DIPK1A: variants seen among roughly 807,000 people sequenced by gnomAD.
DIPK1A encodes the protein divergent protein kinase domain 1A, also known as family with sequence similarity 69 member A.
A neutral mutation model predicts 40.8 loss-of-function variants in DIPK1A; 27 were observed. The observed-to-expected ratio is 0.66, with a 90% confidence interval of 0.49 to 0.91. The LOEUF (loss-of-function observed/expected upper bound fraction) is 0.91, where lower values mean the gene tolerates loss of function less well. Ranked by LOEUF, DIPK1A falls within the 40% of genes least tolerant of loss-of-function variation. DIPK1A has a pLI of 0.00. For missense variants in DIPK1A, 412 were observed against 505.7 expected, an observed-to-expected ratio of 0.81 and a Z score of 1.78; for synonymous variants, 166 against 171.3, an observed-to-expected ratio of 0.97 and a Z score of 0.24.
rs1157142089 is a variant in DIPK1A at position 92,959,903 on chromosome 1, C to CTTTTTTTTTTTTTTTTTTTTTTT, written c.54+1450_54+1472dup. ...GCTGGGACCACAGGCACCCAACCAA[C>CTTTTTTTTTTTTTTTTTTTTTTT]TTTTTTTTTTTTTTTTTTTTTTTTG... On this transcript the variant is annotated intron_variant, in intron 1 of 4. Coordinates refer to ENST00000370310, the MANE Select transcript of DIPK1A (RefSeq NM_001006605.5). 5.0e-4 allele frequency among the ~76,000 whole-genome samples: 24 copies of CTTTTTTTTTTTTTTTTTTTTTTT among 47,872 alleles called. 2 individuals are homozygous for CTTTTTTTTTTTTTTTTTTTTTTT. The highest frequency in any genetic ancestry group is 1.2e-3 in the African/African-American group (11 of 9,078). 31.4% of individuals were successfully genotyped at this position (47,872 alleles called of 152,430 possible). A position where few individuals can be genotyped will look rare whatever the true frequency, so the allele number is the denominator to read the frequency against.
chr1:92,841,912 T>G, downstream of DIPK1A: 1 of 1,379,454 alleles, frequency 7.2e-7, no homozygotes, highest in Non-Finnish European at 1.0e-6. Flanking sequence ...AATAAACTTA[T>G]GAACAGCAAC....
intron 1 of DIPK1A, among the ~76,000 whole-genome samples, chr1:92,917,994 A>G (rs1402607750): frequency 6.6e-6 from 1 of 152,250 alleles, no homozygotes; most frequent in Non-Finnish European, 1.5e-5. Flanking sequence ...AAATAAAAAT[A>G]GTGGAAAATA....
intron 2 of DIPK1A, among the ~76,000 whole-genome samples, chr1:92,868,099 G>A (rs1252560303): frequency 2.0e-5 from 3 of 152,158 alleles, no homozygotes; most frequent in African/African-American, 7.2e-5. Flanking sequence ...TAAAATCTGT[G>A]ATGCAGGTAG....
rs1422583064 is a variant in DIPK1A at position 92,843,685 on chromosome 1, G to T, written c.985C>A (p.Arg329Ser). 3.2e-6 allele frequency: 5 copies of T among 1,551,652 alleles called. No individual in the cohort carries two copies. The highest frequency in any genetic ancestry group is 4.4e-6 in the Non-Finnish European group (5 of 1,146,972). Residue 329 changes from arginine to serine, a missense_variant, in exon 5 of 5, where the codon CGT becomes AGT. Physicochemically the swap from Arg to Ser is moderately radical, Grantham distance 110 (BLOSUM62 -1). Coordinates refer to ENST00000370310, the MANE Select transcript of DIPK1A (RefSeq NM_001006605.5). ...ETNLKELIKD[R>S]HCESDLDCVY... ...CAGTCCAAATCAGACTCACAGTGACGATCCTTAATAAGTTCTTTCAGGTTT... is the reference window on the plus strand; with the variant it reads ...CAGTCCAAATCAGACTCACAGTGACTATCCTTAATAAGTTCTTTCAGGTTT...
At position 92,843,075 on chromosome 1, in the gene DIPK1A, C is replaced by T. The variant is rs1687438533; in HGVS notation, c.*308G>A. ...TTTTGGCTAAGGTAAATCTACAAAT[C>T]ACTCACTGTTGATGTTTATGGAATG... is the stretch of plus-strand genomic sequence containing the variant. On this transcript the variant is annotated 3_prime_UTR_variant, in exon 5 of 5. Coordinates refer to ENST00000370310, the MANE Select transcript of DIPK1A (RefSeq NM_001006605.5). 2 of 1,030,978 alleles carry T rather than the reference C, an allele frequency of 1.9e-6. No homozygotes were observed. The highest frequency in any genetic ancestry group is 2.3e-6 in the Non-Finnish European group (2 of 858,566). The allele number at this position is 1,030,978 out of a possible 1,614,324, so 63.9% of individuals were successfully genotyped here.
rs199917197 is a variant in DIPK1A, at chr1:92,843,759, T to C, written c.911A>G (p.Asp304Gly). ...ATCCACCATTTTCAAATCATACTTA[T>C]CATTATATCCTAGGTTTTTGGCACT... is the stretch of plus-strand genomic sequence containing the variant. ...DTSAKNLGYNDKYDLKMVDMR... is the reference protein window; with the variant it reads ...DTSAKNLGYNGKYDLKMVDMR... Residue 304 changes from aspartate (D) to glycine (G), a missense_variant, in exon 5 of 5, where the codon GAT becomes GGT. Transcript: ENST00000370310. The C allele has an allele frequency of 1.2e-4, 188 of 1,551,682 alleles. 1 individual carries two copies. The highest frequency in any genetic ancestry group is 6.7e-4 in the Middle Eastern group (4 of 6,014).
rs147529754 is a variant in DIPK1A, at chr1:92,951,154, C to T, written c.54+10222G>A. Reference sequence around the variant, plus strand: ...TCTGAGTGGATCCAACGCAATCATACGAGCTCTTAAAAGCAGAAGAGGAAG... The same window carrying T: ...TCTGAGTGGATCCAACGCAATCATATGAGCTCTTAAAAGCAGAAGAGGAAG... On this transcript the variant is annotated intron_variant, in intron 1 of 4. Coordinates refer to ENST00000370310, the MANE Select transcript of DIPK1A (RefSeq NM_001006605.5). Among the ~76,000 whole-genome samples, 37 of 152,152 alleles carry T rather than the reference C, an allele frequency of 2.4e-4. 1 individual carries two copies. Among genetic ancestry groups the T allele is most frequent in the African/African-American group, 6.3e-4 (26 of 41,480 alleles).
intron 4 of DIPK1A, among the ~76,000 whole-genome samples, chr1:92,845,044 A>G (rs1377754526): frequency 6.9e-6 from 1 of 144,220 alleles, no homozygotes; most frequent in East Asian, 2.0e-4. Context: ...TCCCAGGTTC[A>G]CGCCATTCTC....
At chr1:92,899,413 C>T (rs1272317353) in intron 1 of DIPK1A, among the ~76,000 whole-genome samples, 1 of 152,120 alleles carries the variant, frequency 6.6e-6, no homozygotes, top group Non-Finnish European at 1.5e-5. Flanking sequence ...ATTTTCCATC[C>T]CTTCACTTTC....
intron 1 of DIPK1A, chr1:92,933,212 G>C (rs1270527168): frequency 1.3e-5 from 2 of 151,966 alleles, no homozygotes; most frequent in Non-Finnish European, 1.5e-5. Flanking sequence ...AAATAATAAA[G>C]ATAGAAACTA....
intron 1 of DIPK1A, among the ~76,000 whole-genome samples, chr1:92,896,640 C>A (rs1571103490): frequency 4.0e-5 from 6 of 150,336 alleles, no homozygotes; most frequent in Admixed American, 4.0e-4. Flanking sequence ...GCAACAAAAG[C>A]CAAAATTGAC....
At chr1:92,881,204 T>C (rs1216669248) in intron 1 of DIPK1A, among the ~76,000 whole-genome samples, 1 of 148,744 alleles carries the variant, frequency 6.7e-6, no homozygotes, top group East Asian at 2.0e-4. Flanking sequence ...AAAGGCTACT[T>C]CTATTATCTA....
At position 92,961,444 on chromosome 1, in the gene DIPK1A, GC is replaced by G. The variant is rs1283455995; in HGVS notation, c.-16del. On this transcript the variant is annotated 5_prime_UTR_variant, in exon 1 of 5. Coordinates refer to ENST00000370310, the MANE Select transcript of DIPK1A (RefSeq NM_001006605.5). ...CTCCTCGCCATGGTAATCACACATC[GC>G]CCCGCCGCGCTGCAGTCAGAGGCGG... The G allele has an allele frequency of 1.3e-6, 2 of 1,484,310 alleles. No homozygotes were observed. Among genetic ancestry groups the G allele is most frequent in the African/African-American group, 1.5e-5 (1 of 67,854 alleles). 91.9% of individuals were successfully genotyped at this position (1,484,310 alleles called of 1,614,324 possible).
intron 1 of DIPK1A, among the ~76,000 whole-genome samples, chr1:92,909,007 T>C (rs1340289993): frequency 6.6e-6 from 1 of 152,190 alleles, no homozygotes; most frequent in African/African-American, 2.4e-5. Flanking sequence ...CATCTATTAA[T>C]AATTTTAAAT....
At position 92,897,448 on chromosome 1, in the gene DIPK1A, T is replaced by C. The variant is rs867317085; in HGVS notation, c.55-21018A>G. On this transcript the variant is annotated intron_variant, in intron 1 of 4. Coordinates refer to ENST00000370310, the MANE Select transcript of DIPK1A (RefSeq NM_001006605.5). ...GCATGTTCACACTCATAGGTGGGAA[T>C]TGAACAATGAGAACACATGGACACA... is the stretch of plus-strand genomic sequence containing the variant. Among the ~76,000 whole-genome samples, 11 of 152,120 alleles carry C rather than the reference T, an allele frequency of 7.2e-5. No individual in the cohort carries two copies. In the South Asian group the frequency reaches 1.2e-3, roughly 17 times the overall value.
chr1:92,847,148 C>A, intron 4 of DIPK1A, 35 bp downstream of exon 4: 1 of 1,403,962 alleles, frequency 7.1e-7, no homozygotes, highest in Non-Finnish European at 9.5e-7. Flanking sequence ...AAGAGTCCCA[C>A]TTCACACTAG....
intron 1 of DIPK1A, among the ~76,000 whole-genome samples, chr1:92,950,356 C>T (rs1651577310): frequency 6.6e-6 from 1 of 152,062 alleles, no homozygotes; most frequent in African/African-American, 2.4e-5. Context: ...AATGGAACGA[C>T]AATATAGGAA....
At chr1:92,929,788 G>T (rs897853875) in intron 1 of DIPK1A, among the ~76,000 whole-genome samples, 13 of 152,156 alleles carry the variant, frequency 8.5e-5, no homozygotes. Context: ...TTTTGATTCA[G>T]TGTCTCACAC....
intron 2 of DIPK1A, among the ~76,000 whole-genome samples, chr1:92,862,334 T>C (rs1647318836): frequency 6.6e-6 from 1 of 152,186 alleles, no homozygotes; most frequent in South Asian, 2.1e-4. Flanking sequence ...GTTGTCCTCC[T>C]TCATGGCCTG....
Sources: gnomAD v4.1 joint callset for allele counts (sites outside exome capture counted in the v4.1 genomes callset) on GRCh38, gnomAD v4.1.1 for gene constraint, MANE v1.5 for transcripts, NCBI Gene and HGNC (gene_info 2026-07-23, HGNC 2026-07-21) for gene names.